Variants in DMD observed in about 807,000 individuals in gnomAD.
DMD encodes dystrophin.
DMD carries 63 observed loss-of-function variants against 330.1 expected under a neutral mutation model. That is an observed-to-expected ratio of 0.19 (90% CI 0.16 to 0.24). The LOEUF is 0.24. Among genes scored for constraint, DMD ranks in the 10% least tolerant of loss-of-function variants. The probability of loss-of-function intolerance (pLI) is 1.00; values close to 1 mark genes in which losing one functional copy is unlikely to be tolerated. For missense variants in DMD, 3,344 were observed against 2,684.1 expected, an observed-to-expected ratio of 1.25 and a Z score of -5.43; for synonymous variants, 1,223 against 959.8, an observed-to-expected ratio of 1.27 and a Z score of -5.07.
At chrX:32,269,332 C>G (rs906654193) in intron 43 of DMD, among the ~76,000 whole-genome samples, 1 of 111,633 alleles carries the variant, frequency 9.0e-6, no homozygotes, top group African/African-American at 3.3e-5. Flanking sequence ...AAATACAAAA[C>G]CATAAATCAA....
intron 9 of DMD, among the ~76,000 whole-genome samples, chrX:32,656,058 C>T (rs928505710): frequency 9.0e-6 from 1 of 111,336 alleles, no homozygotes. Flanking sequence ...CTTTCTTCAC[C>T]CTTTATGTAG....
chrX:32,159,314 GT>G (rs1290031593), intron 44 of DMD, among the ~76,000 whole-genome samples: 1 of 112,189 alleles, frequency 8.9e-6, no homozygotes, highest in Non-Finnish European at 1.9e-5. Context: ...TCAAACGTAT[GT>G]TACAAGGAGA....
At chrX:31,925,776 G>A (rs1464572084) in intron 47 of DMD, among the ~76,000 whole-genome samples, 2 of 108,245 alleles carry the variant, frequency 1.8e-5, no homozygotes, top group Admixed American at 9.9e-5. Flanking sequence ...GGAAGCTGAG[G>A]CAGGAGAATC....
At chrX:32,784,809 T>C (rs760957093) in intron 7 of DMD, among the ~76,000 whole-genome samples, 145 of 111,764 alleles carry the variant, frequency 1.3e-3, no homozygotes, top group Non-Finnish European at 2.3e-3. Flanking sequence ...TGCTCTGTAC[T>C]TTAAAAAATA....
At chrX:33,069,941 G>A (rs1002280024) in intron 1 of DMD, among the ~76,000 whole-genome samples, 2 of 111,672 alleles carry the variant, frequency 1.8e-5, no homozygotes, top group African/African-American at 3.3e-5. Flanking sequence ...TCGGATAGAA[G>A]CATCATTTGA....
intron 43 of DMD, among the ~76,000 whole-genome samples, chrX:32,246,799 C>T (rs1157038629): frequency 1.8e-5 from 2 of 110,414 alleles, no homozygotes; most frequent in African/African-American, 3.3e-5. Context: ...TCTGTGGGAT[C>T]GGTGGTGATA....
At chrX:32,799,607 T>TG (rs1332026458) in intron 7 of DMD, among the ~76,000 whole-genome samples, 5 of 109,085 alleles carry the variant, frequency 4.6e-5, no homozygotes, top group African/African-American at 1.7e-4. Flanking sequence ...TTTTTTTTTT[T>TG]TTTGGACTGG....
At chrX:32,245,808 A>AT (rs2097234430) in intron 43 of DMD, among the ~76,000 whole-genome samples, 1 of 100,464 alleles carries the variant, frequency 1.0e-5, no homozygotes, top group African/African-American at 3.7e-5. Flanking sequence ...CTGTACATTG[A>AT]TTTTGTATCC....
At chrX:31,378,084 G>T (rs1041416199) in intron 60 of DMD, among the ~76,000 whole-genome samples, 1 of 110,912 alleles carries the variant, frequency 9.0e-6, no homozygotes, top group African/African-American at 3.3e-5. Context: ...ACTCTTTTTG[G>T]ACTCAGCCCG....
chrX:31,443,545 A>T lies in DMD; in HGVS notation c.9084+936T>A, dbSNP rs1163122728. On this transcript the variant is annotated intron_variant, in intron 60 of 78. Transcript: ENST00000357033. Reference sequence around the variant, plus strand: ...ATATTGCAGAGAATTTTATTATCGCATTTTTTTTTTTTTGATGAAAGACTG... The same window carrying T: ...ATATTGCAGAGAATTTTATTATCGCTTTTTTTTTTTTTTGATGAAAGACTG... Among the ~76,000 whole-genome samples the T allele has an allele frequency of 2.3e-3, 235 of 102,099 alleles. 1 individual carries two copies. Among genetic ancestry groups the T allele is most frequent in the African/African-American group, 6.4e-3 (182 of 28,229 alleles). 88.7% of individuals were successfully genotyped at this position (102,099 alleles called of 115,157 possible). A position where few individuals can be genotyped will look rare whatever the true frequency, so the allele number is the denominator to read the frequency against.
intron 74 of DMD, among the ~76,000 whole-genome samples, chrX:31,158,208 G>A (rs372760017): frequency 2.3e-4 from 26 of 111,798 alleles, no homozygotes; most frequent in African/African-American, 7.8e-4. Flanking sequence ...TGTCCATCAA[G>A]TAATGAATAG....
At chrX:32,582,576 A>G (rs1202538346) in intron 13 of DMD, among the ~76,000 whole-genome samples, 1 of 111,972 alleles carries the variant, frequency 8.9e-6, no homozygotes, top group Non-Finnish European at 1.9e-5. Flanking sequence ...ATGAAATCCA[A>G]TTAAAACCAC....
intron 1 of DMD, among the ~76,000 whole-genome samples, chrX:33,111,532 A>C (rs1474250312): frequency 8.9e-6 from 1 of 112,064 alleles, no homozygotes; most frequent in Non-Finnish European, 1.9e-5. Context: ...TACGTGACTT[A>C]TTATTCTGTT....
intron 1 of DMD, among the ~76,000 whole-genome samples, chrX:33,253,334 C>T (rs1041555546): frequency 1.2e-4 from 13 of 111,508 alleles, no homozygotes; most frequent in African/African-American, 3.9e-4. Flanking sequence ...TTTATTTAGA[C>T]ATATTAGTTC....
At chrX:33,230,972 AT>A (rs202095003) in intron 1 of DMD, among the ~76,000 whole-genome samples, 1 of 111,342 alleles carries the variant, frequency 9.0e-6, no homozygotes, top group South Asian at 3.7e-4. Flanking sequence ...AAAAAAAAAA[AT>A]AAATAACAGT....
chrX:32,672,539 C>T (rs763751650), intron 9 of DMD, among the ~76,000 whole-genome samples: 2 of 110,536 alleles, frequency 1.8e-5, no homozygotes, highest in Non-Finnish European at 3.8e-5. Context: ...AATCACCTCC[C>T]CAATCCCATG....
At chrX:33,064,766 G>A (rs2094628402) in intron 1 of DMD, among the ~76,000 whole-genome samples, 1 of 110,966 alleles carries the variant, frequency 9.0e-6, no homozygotes, top group Non-Finnish European at 1.9e-5. Context: ...GCAAGTGCCT[G>A]TAGTCCCAGC....
Position 32,654,876 on chromosome X carries a change from G to A in DMD, c.961-9724C>T, listed in dbSNP as rs754827980. ...GATTCAACTTCCTGGTTTAGTCTTGGGAGGGTGTATGTGTCCACGAATTTA... is the reference window on the plus strand; with the variant it reads ...GATTCAACTTCCTGGTTTAGTCTTGAGAGGGTGTATGTGTCCACGAATTTA... On this transcript the variant is annotated intron_variant, in intron 9 of 78. Transcript: ENST00000357033. Among the ~76,000 whole-genome samples, 28 of 111,498 alleles carry A rather than the reference G, an allele frequency of 2.5e-4. No individual in the cohort carries two copies. In the East Asian group the frequency reaches 4.2e-3, roughly 17 times the overall value.
chrX:31,836,941 G>A (rs1431741869), intron 48 of DMD, 122 bp from the exon 49 acceptor site: 12 of 564,423 alleles, frequency 2.1e-5, no homozygotes, highest in Non-Finnish European at 3.5e-5. Context: ...GGTACATAAG[G>A]GCACAAAAAT....
Sources: gnomAD v4.1 joint callset for allele counts (sites outside exome capture counted in the v4.1 genomes callset) on GRCh38, gnomAD v4.1.1 for gene constraint, MANE v1.5 for transcripts, NCBI Gene and HGNC (gene_info 2026-07-23, HGNC 2026-07-21) for gene names.